TTC34: variants seen among roughly 807,000 people sequenced by gnomAD.
TTC34 encodes tetratricopeptide repeat domain 34.
Under a neutral mutation model 40.7 loss-of-function variants are expected in TTC34, and 44 were observed. The ratio of observed to expected loss-of-function variants is 1.08; its 90% CI spans 0.85 to 1.39. The LOEUF is 1.39. Among genes scored for constraint, TTC34 ranks in the 40% most tolerant of loss-of-function variants. TTC34 has a pLI of 0.00. For synonymous variants in TTC34, 422 were observed against 398.6 expected (o/e 1.06, Z -0.70); for missense variants, 884 against 838.0 (o/e 1.05, Z -0.68).
chr1:2,646,068 T>A (rs1364008144), intron 6 of TTC34, among the ~76,000 whole-genome samples: 1 of 152,152 alleles, frequency 6.6e-6, no homozygotes, highest in Non-Finnish European at 1.5e-5. Flanking sequence ...TGCTCTCCCG[T>A]AACTCCCAGA....
At chr1:2,789,973 G>C in exon 3 of TTC34, 1 of 392,208 alleles carries the variant, frequency 2.5e-6, no homozygotes, top group Non-Finnish European at 4.5e-6. Context: ...CGCCCGCCGC[G>C]TCCCCTGCCA....
chr1:2,750,588 T>C, intron 6 of TTC34, among the ~76,000 whole-genome samples: 1 of 149,006 alleles, frequency 6.7e-6, no homozygotes, highest in Admixed American at 6.7e-5. Context: ...TCTGACATCG[T>C]GGAGCAGCAC....
chr1:2,656,362 A>G (rs1450662178), intron 6 of TTC34, among the ~76,000 whole-genome samples: 2 of 107,436 alleles, frequency 1.9e-5, no homozygotes, highest in Non-Finnish European at 3.8e-5. Flanking sequence ...GACAGCCTGG[A>G]ACAGCACCCA....
At chr1:2,768,663 C>T (rs1408842334) in intron 6 of TTC34, among the ~76,000 whole-genome samples, 2 of 151,304 alleles carry the variant, frequency 1.3e-5, no homozygotes, top group South Asian at 4.2e-4. Flanking sequence ...GCTCACATCC[C>T]CAGGTAAGAT....
At chr1:2,660,349 A>AAC (rs1639501322) in intron 6 of TTC34, among the ~76,000 whole-genome samples, 1 of 142,264 alleles carries the variant, frequency 7.0e-6, no homozygotes, top group African/African-American at 2.5e-5. Context: ...CAGCAACCAC[A>AAC]CTCCCAGGCG....
chr1:2,749,002 G>C (rs1488581460), intron 6 of TTC34, among the ~76,000 whole-genome samples: 1,532 of 11,684 alleles, frequency 0.13, no homozygotes, highest in Middle Eastern at 0.23. Flanking sequence ...GCACCCACAC[G>C]CCCAGGTGAG....
In TTC34 at chr1:2,747,981, C is replaced by A. The variant is rs1222111911; in HGVS notation, c.2226+35628G>T. On this transcript the variant is annotated intron_variant, in intron 6 of 8. Coordinates refer to ENST00000401095, the Ensembl canonical transcript of TTC34. ...ACACCCATAGGTGAGCATCTGACAG[C>A]CTGGAGCAGCACCCACACCCCAGGT... Among the ~76,000 whole-genome samples the A allele has an allele frequency of 1.2e-4, 8 of 68,106 alleles. 2 individuals are homozygous for A. Among genetic ancestry groups the A allele is most frequent in the Admixed American group, 5.4e-4 (4 of 7,476 alleles). 44.7% of individuals were successfully genotyped at this position (68,106 alleles called of 152,430 possible). A position where few individuals can be genotyped will look rare whatever the true frequency, so the allele number is the denominator to read the frequency against.
chr1:2,642,271 G>A (rs556103079), intron 8 of TTC34, among the ~76,000 whole-genome samples: 1 of 152,278 alleles, frequency 6.6e-6, no homozygotes, highest in South Asian at 2.1e-4. Context: ...CCCACCGGCT[G>A]GGCCCAGGTT....
chr1:2,753,103 G>GCCCAGGA (rs1641380154), intron 6 of TTC34, among the ~76,000 whole-genome samples: 3 of 105,946 alleles, frequency 2.8e-5, no homozygotes, highest in African/African-American at 4.5e-5. Context: ...ACCCCCAGGC[G>GCCCAGGA]AGCATCCGAC....
intron 6 of TTC34, among the ~76,000 whole-genome samples, chr1:2,777,501 C>T (rs1643276303): frequency 6.6e-6 from 1 of 152,034 alleles, no homozygotes; most frequent in East Asian, 1.9e-4. Flanking sequence ...TCCTTTTCCA[C>T]CAGGTGAGCA....
At chr1:2,792,031 T>TTTTTTTTTTTTTTTTTTTTTTTTTTG (rs1643668944) in intron 2 of TTC34, among the ~76,000 whole-genome samples, 1 of 135,842 alleles carries the variant, frequency 7.4e-6, no homozygotes, top group African/African-American at 2.9e-5. Flanking sequence ...TTTTTTTTTT[T>TTTTTTTTTTTTTTTTTTTTTTTTTTG]TTAAAGACAG....
chr1:2,782,054 T>C (rs1643492108), intron 6 of TTC34, among the ~76,000 whole-genome samples: 2 of 152,298 alleles, frequency 1.3e-5, no homozygotes, highest in South Asian at 4.1e-4. Context: ...TCCTCTTTGA[T>C]TTTTTGGAAA....
intron 6 of TTC34, among the ~76,000 whole-genome samples, chr1:2,760,003 C>CACAGGTGAGCATCGGAG (rs1641643229): frequency 7.3e-6 from 1 of 137,000 alleles, no homozygotes; most frequent in Non-Finnish European, 1.5e-5. Context: ...CACCCACAAC[C>CACAGGTGAGCATCGGAG]ACAGGTGAGC....
intron 2 of TTC34, among the ~76,000 whole-genome samples, chr1:2,798,454 C>T (rs373251392): frequency 4.7e-5 from 5 of 106,368 alleles, no homozygotes; most frequent in South Asian, 3.8e-4. Context: ...AGCTCCCCAG[C>T]CCCCCAGCCT....
rs1418815118 is a variant in TTC34, at chr1:2,796,474, C to T, written c.784+3570G>A. On this transcript the variant is annotated intron_variant, in intron 2 of 8. Transcript: ENST00000401095. This position sits in a 1 kb window ranked among gnomAD's most constrained non-coding sequence, Gnocchi z 4.5. ...ATTCTTAGGGCAGGTGTTCCCTGTA[C>T]ACACCAGAGCCACGGCAGACACAGA... Among the ~76,000 whole-genome samples the T allele has an allele frequency of 6.6e-6, 1 of 152,170 alleles. No homozygotes were observed. The highest frequency in any genetic ancestry group is 1.5e-5 in the Non-Finnish European group (1 of 68,026).
exon 3 of TTC34, chr1:2,789,903 G>T (rs1295507218): frequency 7.5e-6 from 3 of 399,004 alleles, no homozygotes; most frequent in African/African-American, 6.2e-5. Context: ...TCCCCTGCAC[G>T]GTCCCCCGCA....
chr1:2,692,503 ACC>A (rs1287479982), intron 6 of TTC34, among the ~76,000 whole-genome samples: 304 of 73,440 alleles, frequency 4.1e-3, no homozygotes, highest in Middle Eastern at 0.026. Context: ...AGCAGCCTGC[ACC>A]CCCAGGTGTG....
intron 6 of TTC34, among the ~76,000 whole-genome samples, chr1:2,699,231 G>T (rs72849565): frequency 0.083 from 2,802 of 33,894 alleles, 2 homozygotes; most frequent in Middle Eastern, 0.11. Flanking sequence ...GCATCTGACC[G>T]CCCGGAGCAG....
exon 2 of TTC34, chr1:2,800,546 G>A (rs1323214767): frequency 7.5e-6 from 3 of 398,372 alleles, no homozygotes; most frequent in African/African-American, 2.1e-5. Context: ...AGAGGGCGCC[G>A]AGGAAGGCAG....
Sources: allele counts gnomAD v4.1 joint callset (sites outside exome capture counted in the v4.1 genomes callset), GRCh38; gene constraint gnomAD v4.1.1; non-coding constraint Gnocchi (gnomAD v3.1); transcripts MANE v1.5; gene names NCBI Gene and HGNC (gene_info 2026-07-23, HGNC 2026-07-21).